The following FOXRED2 variants were observed in gnomAD, a reference collection of about 807,000 sequenced individuals.
FOXRED2 encodes the protein FAD dependent oxidoreductase domain containing 2, also known as FAD-dependent oxidoreductase domain-containing protein 2.
In FOXRED2, 32 loss-of-function variants were observed where a neutral mutation model predicts 52.5. The observed-to-expected ratio is 0.61, with a 90% CI of 0.46 to 0.82. The LOEUF (loss-of-function observed/expected upper bound fraction) is 0.82. FOXRED2 is among the 40% of genes least tolerant of loss of function. The pLI is 0.00. For synonymous variants in FOXRED2, 405 were observed against 398.1 expected (o/e 1.02, Z -0.21); for missense variants, 848 against 937.5 (o/e 0.90, Z 1.25).
Position 36,506,441 on chromosome 22 carries a change from G to C in FOXRED2, c.-1-18C>G. The C allele has an allele frequency of 7.0e-6, 10 of 1,426,162 alleles. No individual in the cohort carries two copies. Among genetic ancestry groups the C allele is most frequent in the Non-Finnish European group, 9.1e-6 (10 of 1,094,300 alleles). 88.3% of individuals were successfully genotyped at this position (1,426,162 alleles called of 1,614,324 possible). A position where few individuals can be genotyped will look rare whatever the true frequency, so the allele number is the denominator to read the frequency against. Reference sequence around the variant, plus strand: ...GGCCCATCCTGCAGCAGATCAGAGGGGTAAGGCCTCGCACCCGGCCCGGCG... The same window carrying C: ...GGCCCATCCTGCAGCAGATCAGAGGCGTAAGGCCTCGCACCCGGCCCGGCG... On this transcript the variant is annotated intron_variant, in intron 1 of 8. Transcript: ENST00000397224.
intron 8 of FOXRED2, among the ~76,000 whole-genome samples, chr22:36,490,990 C>T (rs996570101): frequency 3.3e-5 from 5 of 152,034 alleles, no homozygotes; most frequent in Admixed American, 2.0e-4. Flanking sequence ...AAAGAAACCC[C>T]GTCTCTAGTA....
At chr22:36,497,448 C>A (rs976624716) in intron 6 of FOXRED2, among the ~76,000 whole-genome samples, 1 of 152,208 alleles carries the variant, frequency 6.6e-6, no homozygotes, top group African/African-American at 2.4e-5. Flanking sequence ...GCACGCCCTG[C>A]CTTTGGATCG....
chr22:36,490,357 GC>G, intron 8 of FOXRED2, 90 bp from the exon 9 acceptor site: 1 of 1,406,496 alleles, frequency 7.1e-7, no homozygotes, highest in Admixed American at 2.1e-5. Context: ...AGGTGTGGGG[GC>G]TTCACTGCAG....
intron 6 of FOXRED2, 99 bp from the exon 7 acceptor site, chr22:36,496,307 C>G (rs1161346302): frequency 1.6e-5 from 23 of 1,422,778 alleles, no homozygotes; most frequent in Middle Eastern, 5.1e-4. Context: ...GTATCTCCCC[C>G]TCTAAGGAGC....
intron 4 of FOXRED2, 58 bp from the exon 5 acceptor site, chr22:36,501,465 T>G: frequency 3.9e-6 from 6 of 1,556,108 alleles, no homozygotes; most frequent in East Asian, 2.3e-5. Flanking sequence ...CACTTATTTA[T>G]TTAGTTAGTT....
rs1431156147 is a variant in FOXRED2, at chr22:36,494,147, C to T, written c.1625-344G>A. On this transcript the variant is annotated intron_variant, in intron 7 of 8. Transcript: ENST00000397224. ...TATTATTATTTGTTGGAGACAGTCT[C>T]GCTCTATTGCCCAGGCTGTCATGCA... is the stretch of plus-strand genomic sequence containing the variant. Among the ~76,000 whole-genome samples the T allele has an allele frequency of 5.3e-5, 8 of 152,170 alleles. No individual in the cohort carries two copies. In the East Asian group the frequency reaches 9.6e-4, roughly 18 times the overall value.
At position 36,499,124 on chromosome 22, in the gene FOXRED2, T is replaced by C. The variant is rs1933979741; in HGVS notation, c.1217-968A>G. The stretch of plus-strand genomic sequence containing the variant: ...TTAGTAGAGATGGGGTTTCACCATG[T>C]TGGTCAGGCTGGTCTCGAACTTCTG... On this transcript the variant is annotated intron_variant, in intron 5 of 8. Transcript: ENST00000397224. Among the ~76,000 whole-genome samples the C allele has an allele frequency of 2.0e-5, 3 of 152,270 alleles. No individual in the cohort carries two copies. In the South Asian group the frequency reaches 6.2e-4, roughly 32 times the overall value.
intron 8 of FOXRED2, among the ~76,000 whole-genome samples, chr22:36,490,991 G>T (rs150010199): frequency 6.6e-6 from 1 of 152,032 alleles, no homozygotes; most frequent in African/African-American, 2.4e-5. Flanking sequence ...AAGAAACCCC[G>T]TCTCTAGTAA....
At chr22:36,506,702 A>G (rs913543218) in intron 1 of FOXRED2, 1 of 401,238 alleles carries the variant, frequency 2.5e-6, no homozygotes, top group Middle Eastern at 6.6e-4. Flanking sequence ...CACCCTGGGG[A>G]AGGAGAGCGT....
At chr22:36,492,985 A>G (rs73409796) in intron 8 of FOXRED2, among the ~76,000 whole-genome samples, 12 of 152,330 alleles carry the variant, frequency 7.9e-5, no homozygotes, top group African/African-American at 2.2e-4. Context: ...CATGTCATCT[A>G]TCTCCTCCTT....
Position 36,506,405 on chromosome 22 carries a change from C to T in FOXRED2, c.18G>A (p.Ala6=), listed in dbSNP as rs1353589788. Residue 6 remains alanine, a synonymous_variant, in exon 2 of 9, where the codon GCG becomes GCA. Transcript: ENST00000397224. Reference sequence around the variant, plus strand: ...GCCCCGGGGGACCCCACAACGGGGCCGCAGCGGAGAGGCCCATCCTGCAGC... The same window carrying T: ...GCCCCGGGGGACCCCACAACGGGGCTGCAGCGGAGAGGCCCATCCTGCAGC... The part of the protein sequence containing the change: MGLSA[A]APLWGPPGLL... 7.0e-7 allele frequency: 1 copy of T among 1,436,676 alleles called. No homozygotes were observed. Among genetic ancestry groups the T allele is most frequent in the Non-Finnish European group, 9.1e-7 (1 of 1,100,434 alleles). 89.0% of individuals were successfully genotyped at this position (1,436,676 alleles called of 1,614,324 possible).
Position 36,495,968 on chromosome 22 carries a change from G to C in FOXRED2, c.1623C>G (p.Thr541=), listed in dbSNP as rs552199135. 1.3e-5 allele frequency: 21 copies of C among 1,613,704 alleles called. No homozygotes were observed. The highest frequency in any genetic ancestry group is 1.6e-5 in the Non-Finnish European group (19 of 1,179,586). The change falls in exon 7 of 9, where the codon ACC becomes ACG. Residue 541 remains threonine (T), a splice_region_variant and synonymous_variant. Coordinates refer to ENST00000397224, the MANE Select transcript of FOXRED2 (RefSeq NM_001102371.2). The part of the protein sequence containing the change: ...PVIYYYRYLP[T]EQEVRFRPAH... ...GGGGAAGGGCAGAGACCTGCTCACC[G>C]GTGGGGAGGTATCTATAGTAGTAGA...
Position 36,506,303 on chromosome 22 carries a change from G to A in FOXRED2, c.120C>T (p.Pro40=), listed in dbSNP as rs573899521. Residue 40 remains proline (P), a synonymous_variant, in exon 2 of 9, where the codon CCC becomes CCT. Coordinates refer to ENST00000397224, the MANE Select transcript of FOXRED2 (RefSeq NM_001102371.2). ...RRDYCVLGAG[P]AGLQMAYFLQ... is the part of the protein sequence containing the mutation. ...GGAAGTAGGCCATCTGCAGGCCCGCGGGCCCAGCGCCCAGCACGCAGTAGT... is the reference window on the plus strand; with the variant it reads ...GGAAGTAGGCCATCTGCAGGCCCGCAGGCCCAGCGCCCAGCACGCAGTAGT... 191 of 1,567,284 alleles carry A rather than the reference G, an allele frequency of 1.2e-4. 2 individuals carry two copies. The South Asian group carries it at 2.1e-3, about 17-fold the overall frequency.
At chr22:36,500,946 G>A (rs1224039514) in intron 5 of FOXRED2, among the ~76,000 whole-genome samples, 1 of 151,722 alleles carries the variant, frequency 6.6e-6, no homozygotes, top group Non-Finnish European at 1.5e-5. Context: ...CTGGAGTGCA[G>A]TGGTATCATC....
In FOXRED2 at chr22:36,501,423, G is replaced by A. The variant is rs1401005798; in HGVS notation, c.1050-16C>T. On this transcript the variant is annotated splice_polypyrimidine_tract_variant and intron_variant, in intron 4 of 8. Transcript: ENST00000397224. ...TCTGAGGGACCTGTCAGTGGAAAGGGCTGTTCATGAAAATAGCTGCTATGT... is the reference window on the plus strand; with the variant it reads ...TCTGAGGGACCTGTCAGTGGAAAGGACTGTTCATGAAAATAGCTGCTATGT... 1 of 1,612,806 alleles carries A rather than the reference G, an allele frequency of 6.2e-7. No individual in the cohort carries two copies. Among genetic ancestry groups the A allele is most frequent in the East Asian group, 2.2e-5 (1 of 44,860 alleles).
chr22:36,498,028 T>C lies in FOXRED2; in HGVS notation c.1345A>G (p.Met449Val). 1 of 1,614,026 alleles carries C rather than the reference T, an allele frequency of 6.2e-7. No individual in the cohort carries two copies. The highest frequency in any genetic ancestry group is 8.5e-7 in the Non-Finnish European group (1 of 1,179,996). The change falls in exon 6 of 9, where the codon ATG (methionine) becomes GTG (valine). Residue 449 changes from methionine (M) to valine (V), a missense_variant. By Grantham distance (21) the Met-to-Val change is conservative. Coordinates refer to ENST00000397224, the MANE Select transcript of FOXRED2 (RefSeq NM_001102371.2). ...RVNEASGLYQ[M>V]FGVLADVILL... ...ATGACATCGGCCAGCACACCGAACA[T>C]CTGGTAGAGCCCAGAAGCCTCATTC... is the stretch of plus-strand genomic sequence containing the variant.
Position 36,506,440 on chromosome 22 carries a change from G to T in FOXRED2, c.-1-17C>A. ...AGGCCCATCCTGCAGCAGATCAGAG[G>T]GGTAAGGCCTCGCACCCGGCCCGGC... On this transcript the variant is annotated splice_polypyrimidine_tract_variant and intron_variant, in intron 1 of 8. Transcript: ENST00000397224. 1 of 1,427,182 alleles carries T rather than the reference G, an allele frequency of 7.0e-7. No individual in the cohort carries two copies. Among genetic ancestry groups the T allele is most frequent in the East Asian group, 2.5e-5 (1 of 39,422 alleles). 88.4% of individuals were successfully genotyped at this position (1,427,182 alleles called of 1,614,324 possible).
At chr22:36,500,986 C>G (rs1934028098) in intron 5 of FOXRED2, among the ~76,000 whole-genome samples, 2 of 150,486 alleles carry the variant, frequency 1.3e-5, no homozygotes, top group Admixed American at 6.6e-5. Flanking sequence ...ACTTCCTGGA[C>G]TCAAGGGATC....
At chr22:36,494,742 C>T (rs981953783) in intron 7 of FOXRED2, among the ~76,000 whole-genome samples, 5 of 150,598 alleles carry the variant, frequency 3.3e-5, no homozygotes, top group Non-Finnish European at 7.4e-5. Flanking sequence ...TGGGTTCAAG[C>T]GATTCTCCTG....
Sources: gnomAD v4.1 joint callset for allele counts (sites outside exome capture counted in the v4.1 genomes callset) on GRCh38, gnomAD v4.1.1 for gene constraint, MANE v1.5 for transcripts, NCBI Gene and HGNC (gene_info 2026-07-23, HGNC 2026-07-21) for gene names.